KHDRBS2: variants seen among roughly 807,000 people sequenced by gnomAD.
KHDRBS2 encodes the protein KH RNA binding domain containing, signal transduction associated 2, also known as KH domain-containing, RNA-binding, signal transduction-associated protein 2.
A neutral mutation model predicts 44.3 loss-of-function variants in KHDRBS2; 26 were observed. That is an observed-to-expected ratio of 0.59 (90% CI 0.43 to 0.81). The LOEUF (loss-of-function observed/expected upper bound fraction) is 0.81. Among genes scored for constraint, KHDRBS2 ranks in the 40% least tolerant of loss-of-function variants. The pLI, the probability that KHDRBS2 is intolerant of heterozygous loss-of-function variation, is 0.00. For missense variants in KHDRBS2, 476 were observed against 433.1 expected, an observed-to-expected ratio of 1.10 and a Z score of -0.88; for synonymous variants, 194 against 151.1, an observed-to-expected ratio of 1.28 and a Z score of -2.08.
intron 7 of KHDRBS2, among the ~76,000 whole-genome samples, chr6:61,709,630 A>G (rs1458828163): frequency 6.6e-6 from 1 of 151,558 alleles, no homozygotes. Context: ...ATGAGCGGTG[A>G]GCAATTTTAT....
intron 8 of KHDRBS2, among the ~76,000 whole-genome samples, chr6:61,691,943 G>C (rs934608534): frequency 6.6e-6 from 1 of 152,036 alleles, no homozygotes; most frequent in Non-Finnish European, 1.5e-5. Context: ...TATCCTCCTT[G>C]CTTCCACACA....
rs1353463627 is a variant in KHDRBS2, at chr6:62,071,144, A to C, written c.220-23150T>G. ...TTGGTTGCATAAATGTCTTCTTTTG[A>C]GAAGTTTCTGTTCATGTCCTTCGCC... On this transcript the variant is annotated intron_variant, in intron 2 of 8. Transcript: ENST00000281156. Among the ~76,000 whole-genome samples, 8 of 152,238 alleles carry C rather than the reference A, an allele frequency of 5.3e-5. No individual in the cohort carries two copies. In the East Asian group the frequency reaches 1.3e-3, roughly 26 times the overall value.
intron 6 of KHDRBS2, among the ~76,000 whole-genome samples, chr6:61,776,022 G>T (rs1165450983): frequency 6.6e-6 from 1 of 152,124 alleles, no homozygotes; most frequent in East Asian, 1.9e-4. Context: ...ACAAACCTGA[G>T]AAAAACAAGT....
the KHDRBS2 span, among the ~76,000 whole-genome samples, chr6:61,657,713 T>G: frequency 6.6e-6 from 1 of 151,902 alleles, no homozygotes; most frequent in Admixed American, 6.6e-5. Flanking sequence ...AGAAGAGTGG[T>G]TTACCAGCTG....
chr6:62,071,798 G>A (rs974207914), intron 2 of KHDRBS2, among the ~76,000 whole-genome samples: 49 of 152,052 alleles, frequency 3.2e-4, no homozygotes, highest in Admixed American at 2.2e-3. Context: ...TTGTTCTTTC[G>A]GCTTAGGATT....
At chr6:62,224,893 C>T (rs564330536) in intron 1 of KHDRBS2, among the ~76,000 whole-genome samples, 21 of 152,306 alleles carry the variant, frequency 1.4e-4, no homozygotes, top group African/African-American at 4.8e-4. Context: ...GATATCCCTA[C>T]CTGATATATC....
chr6:61,605,097 A>G, the KHDRBS2 span, among the ~76,000 whole-genome samples: 1 of 152,160 alleles, frequency 6.6e-6, no homozygotes, highest in Admixed American at 6.5e-5. Flanking sequence ...CAATACTTTT[A>G]CCACTTGCCC....
intron 2 of KHDRBS2, among the ~76,000 whole-genome samples, chr6:62,065,151 G>T (rs1793263854): frequency 1.3e-5 from 2 of 151,086 alleles, no homozygotes; most frequent in African/African-American, 4.8e-5. Flanking sequence ...TGGAGAGGAT[G>T]TGGAGAAATA....
the KHDRBS2 span, among the ~76,000 whole-genome samples, chr6:61,581,805 T>C: frequency 5.9e-5 from 9 of 151,402 alleles, no homozygotes; most frequent in Non-Finnish European, 8.9e-5. Flanking sequence ...AAGAGGCTTG[T>C]TAAAGAGATA....
At chr6:61,956,453 A>G (rs924397976) in intron 4 of KHDRBS2, among the ~76,000 whole-genome samples, 1 of 152,148 alleles carries the variant, frequency 6.6e-6, no homozygotes, top group Non-Finnish European at 1.5e-5. Context: ...GTAGTGCTTC[A>G]TTAGGTCATC....
chr6:61,941,065 C>T (rs1190772523), intron 4 of KHDRBS2, among the ~76,000 whole-genome samples: 1 of 152,176 alleles, frequency 6.6e-6, no homozygotes, highest in East Asian at 1.9e-4. Context: ...TCTTCATTTA[C>T]AATTGGGGGC....
At chr6:62,061,236 T>C (rs1445167420) in intron 2 of KHDRBS2, among the ~76,000 whole-genome samples, 3 of 151,818 alleles carry the variant, frequency 2.0e-5, no homozygotes, top group African/African-American at 4.8e-5. Context: ...CTGGTGATTT[T>C]GCTCGTTAGT....
chr6:62,258,016 T>G (rs1837691118), intron 1 of KHDRBS2, among the ~76,000 whole-genome samples: 1 of 152,054 alleles, frequency 6.6e-6, no homozygotes, highest in Non-Finnish European at 1.5e-5. Flanking sequence ...ATCTGAAGCT[T>G]TTTGAGTGCC....
At chr6:61,599,696 C>T in the KHDRBS2 span, among the ~76,000 whole-genome samples, 1 of 152,180 alleles carries the variant, frequency 6.6e-6, no homozygotes, top group East Asian at 1.9e-4. Context: ...CAACAGAAAC[C>T]TTTCATGGAT....
At chr6:61,788,604 C>T (rs1398839412) in intron 6 of KHDRBS2, among the ~76,000 whole-genome samples, 5 of 151,022 alleles carry the variant, frequency 3.3e-5, no homozygotes, top group African/African-American at 1.2e-4. Flanking sequence ...AAGATAGATA[C>T]CACATATCTA....
At chr6:61,596,274 T>C in the KHDRBS2 span, among the ~76,000 whole-genome samples, 2 of 152,252 alleles carry the variant, frequency 1.3e-5, no homozygotes, top group Admixed American at 6.5e-5. Flanking sequence ...AACAGTTTCA[T>C]GATCTTAAGA....
intron 6 of KHDRBS2, among the ~76,000 whole-genome samples, chr6:61,821,094 A>T (rs762921364): frequency 1.1e-4 from 16 of 151,948 alleles, no homozygotes; most frequent in Non-Finnish European, 1.9e-4. Flanking sequence ...TGGTTCCATA[A>T]GATTAAGCAT....
the KHDRBS2 span, among the ~76,000 whole-genome samples, chr6:61,629,418 G>A: frequency 1.9e-4 from 29 of 152,022 alleles, no homozygotes; most frequent in South Asian, 2.1e-4. Context: ...AACTGAAGAC[G>A]AAATATTAGC....
chr6:62,237,855 A>G (rs771583194), intron 1 of KHDRBS2, among the ~76,000 whole-genome samples: 3 of 152,074 alleles, frequency 2.0e-5, no homozygotes, highest in Non-Finnish European at 4.4e-5. Context: ...CTTGGCCAAT[A>G]TGGTAAAAGT....
Sources: allele counts gnomAD v4.1 joint callset (sites outside exome capture counted in the v4.1 genomes callset), GRCh38; gene constraint gnomAD v4.1.1; transcripts MANE v1.5; gene names NCBI Gene and HGNC (gene_info 2026-07-23, HGNC 2026-07-21).